The following EPB41L4A variants were observed in gnomAD, a reference collection of about 807,000 sequenced individuals.
The protein encoded by EPB41L4A is erythrocyte membrane protein band 4.1 like 4A.
EPB41L4A carries 100 observed loss-of-function variants against 108.6 expected under a neutral mutation model. The ratio of observed to expected loss-of-function variants is 0.92; its 90% confidence interval spans 0.78 to 1.09. The LOEUF (loss-of-function observed/expected upper bound fraction) is 1.09. Ranked by LOEUF, EPB41L4A falls within the 50% of genes least tolerant of loss-of-function variation. EPB41L4A has a pLI of 0.00. For missense variants in EPB41L4A, 1,030 were observed against 842.7 expected, an observed-to-expected ratio of 1.22 and a Z score of -2.75; for synonymous variants, 319 against 289.0, an observed-to-expected ratio of 1.10 and a Z score of -1.05.
At chr5:112,314,792 CAA>C (rs58975273) in intron 1 of EPB41L4A, among the ~76,000 whole-genome samples, 1 of 146,318 alleles carries the variant, frequency 6.8e-6, no homozygotes. Context: ...GACTCCATCT[CAA>C]AAAAAAAAGA....
chr5:112,159,258 T>C (rs1258747088), downstream of EPB41L4A, among the ~76,000 whole-genome samples: 7 of 152,276 alleles, frequency 4.6e-5, no homozygotes, highest in African/African-American at 1.7e-4. Flanking sequence ...GGAGATAAGC[T>C]CCTTTTCTTC....
chr5:112,232,204 G>C (rs1366768110), intron 12 of EPB41L4A, among the ~76,000 whole-genome samples: 1 of 151,992 alleles, frequency 6.6e-6, no homozygotes, highest in Non-Finnish European at 1.5e-5. Context: ...GTGCATTAGG[G>C]GGACCAGCTT....
intron 1 of EPB41L4A, among the ~76,000 whole-genome samples, chr5:112,393,059 C>T (rs569848943): frequency 5.3e-5 from 8 of 152,292 alleles, no homozygotes; most frequent in Admixed American, 2.0e-4. Context: ...AAAGACACAA[C>T]GTACCACAAT....
At position 112,259,268 on chromosome 5, in the gene EPB41L4A, G is replaced by A. The variant is rs752989237; in HGVS notation, c.756C>T (p.Phe252=). ...YFWPRITKVH[F]KETQFELRVL... The stretch of plus-strand genomic sequence containing the variant: ...CTCTGAGTTCAAATTGAGTCTCCTT[G>A]AAGTGAACCTTTGTAATCCGAGGCC... The change falls in exon 9 of 23, where the codon TTC becomes TTT. Residue 252 remains phenylalanine, a synonymous_variant. Coordinates refer to ENST00000261486, the MANE Select transcript of EPB41L4A (RefSeq NM_022140.5). 1 of 1,613,944 alleles carries A rather than the reference G, an allele frequency of 6.2e-7. No individual in the cohort carries two copies. The highest frequency in any genetic ancestry group is 1.7e-5 in the Admixed American group (1 of 60,012).
intron 1 of EPB41L4A, among the ~76,000 whole-genome samples, chr5:112,310,745 A>C (rs1487006489): frequency 6.6e-6 from 1 of 152,100 alleles, no homozygotes; most frequent in Non-Finnish European, 1.5e-5. Context: ...TTCTGGGTAC[A>C]TATCAAACCT....
At chr5:112,143,912 C>A in intron 13 of EPB41L4A, 1 of 452,992 alleles carries the variant, frequency 2.2e-6, no homozygotes. Flanking sequence ...GGGAAATGTG[C>A]TCAGTTGCCA....
chr5:112,268,350 C>A (rs1325660329), intron 4 of EPB41L4A, among the ~76,000 whole-genome samples: 1 of 152,078 alleles, frequency 6.6e-6, no homozygotes, highest in African/African-American at 2.4e-5. Flanking sequence ...TGCACCCCAG[C>A]CTGGGTGACA....
chr5:112,341,512 C>G (rs1211155628), intron 1 of EPB41L4A, among the ~76,000 whole-genome samples: 1 of 152,190 alleles, frequency 6.6e-6, no homozygotes, highest in African/African-American at 2.4e-5. Context: ...ATAGGATCCT[C>G]TGAAACCAAT....
chr5:112,419,657 C>T (rs1580877276), upstream of EPB41L4A: 2 of 456,544 alleles, frequency 4.4e-6, no homozygotes, highest in East Asian at 1.4e-4. Flanking sequence ...ACCATGGGCG[C>T]AGGGGCAGAG....
chr5:112,400,009 G>C (rs1416679530), intron 1 of EPB41L4A, among the ~76,000 whole-genome samples: 1 of 152,208 alleles, frequency 6.6e-6, no homozygotes, highest in Non-Finnish European at 1.5e-5. Flanking sequence ...GAGACTGGGT[G>C]TATTAGTCCA....
At chr5:112,296,293 TA>T (rs1280052143) in intron 2 of EPB41L4A, among the ~76,000 whole-genome samples, 5 of 151,950 alleles carry the variant, frequency 3.3e-5, no homozygotes, top group East Asian at 3.9e-4. Context: ...TGCCTCTAAA[TA>T]AAAAAAAGCA....
intron 1 of EPB41L4A, among the ~76,000 whole-genome samples, chr5:112,345,780 TACACACACACACAC>T (rs60638685): frequency 7.5e-4 from 56 of 74,658 alleles, no homozygotes; most frequent in African/African-American, 1.1e-3. Flanking sequence ...TATATATATA[TACACACACACACAC>T]ACACACACAC....
At chr5:112,266,509 C>A (rs930544828) in intron 4 of EPB41L4A, among the ~76,000 whole-genome samples, 179 bp from the exon 5 acceptor site, 2 of 152,196 alleles carry the variant, frequency 1.3e-5, no homozygotes, top group African/African-American at 4.8e-5. Flanking sequence ...CTTACAGAGG[C>A]AATACACGGT....
chr5:112,245,303 C>T (rs1750124736), intron 9 of EPB41L4A, among the ~76,000 whole-genome samples: 1 of 152,148 alleles, frequency 6.6e-6, no homozygotes, highest in Non-Finnish European at 1.5e-5. Flanking sequence ...CAGCAAATGC[C>T]TCTGAAATGA....
At chr5:112,257,683 T>A (rs1751204089) in intron 9 of EPB41L4A, among the ~76,000 whole-genome samples, 1 of 152,194 alleles carries the variant, frequency 6.6e-6, no homozygotes, top group Non-Finnish European at 1.5e-5. Flanking sequence ...CCAGAGGACC[T>A]CACTCACAAA....
intron 14 of EPB41L4A, among the ~76,000 whole-genome samples, chr5:112,204,864 ACTATTAAAC>A (rs1762396367): frequency 3.3e-5 from 5 of 152,322 alleles, no homozygotes; most frequent in Middle Eastern, 3.4e-3. Flanking sequence ...CTGAGATACA[ACTATTAAAC>A]CTATTAAACA....
chr5:112,160,557 C>T (rs1759824662), downstream of EPB41L4A: 1 of 152,482 alleles, frequency 6.6e-6, no homozygotes, highest in South Asian at 2.1e-4. Flanking sequence ...GTCTAAAGTC[C>T]TTTGGGCTCC....
chr5:112,236,566 T>C (rs1368312655), intron 11 of EPB41L4A, among the ~76,000 whole-genome samples: 1 of 152,222 alleles, frequency 6.6e-6, no homozygotes, highest in Non-Finnish European at 1.5e-5. Context: ...AGTATGGAGA[T>C]TTACAGTGTA....
rs549283413 is a variant in EPB41L4A, at chr5:112,385,638, TTC to T, written c.99+33301_99+33302del. Reference sequence around the variant, plus strand: ...CTTATTGAAATTAGAAGAATTGTAGTTCAAGTCAGAAGAGATAGCCTCAAATC... The same window carrying T: ...CTTATTGAAATTAGAAGAATTGTAGTAAGTCAGAAGAGATAGCCTCAAATC... On this transcript the variant is annotated intron_variant, in intron 1 of 22. Transcript: ENST00000261486. Among the ~76,000 whole-genome samples the T allele has an allele frequency of 1.7e-4, 26 of 152,246 alleles. No homozygotes were observed. In the East Asian group the frequency reaches 5.0e-3, roughly 29 times the overall value.
Sources: gnomAD v4.1 joint callset for allele counts (sites outside exome capture counted in the v4.1 genomes callset) on GRCh38, gnomAD v4.1.1 for gene constraint, MANE v1.5 for transcripts, NCBI Gene and HGNC (gene_info 2026-07-23, HGNC 2026-07-21) for gene names.